The following SYTL3 variants were observed in gnomAD, a reference collection of about 807,000 sequenced individuals.
SYTL3 encodes the protein synaptotagmin like 3, also known as synaptotagmin-like protein 3.
SYTL3 carries 88 observed loss-of-function variants against 82.1 expected under a neutral mutation model. The ratio of observed to expected loss-of-function variants is 1.07; its 90% CI spans 0.90 to 1.28. SYTL3 has a LOEUF of 1.28. Ranked by LOEUF, SYTL3 falls within the 50% of genes most tolerant of loss-of-function variation. The pLI, the probability that SYTL3 is intolerant of heterozygous loss-of-function variation, is 0.00. For missense variants in SYTL3, 831 were observed against 757.6 expected (o/e 1.10, Z -1.14); for synonymous variants, 311 against 289.4 (o/e 1.07, Z -0.76).
rs1789572439 is a variant in SYTL3, at chr6:158,663,218, G to T, written c.-51G>T. 6.4e-7 allele frequency: 1 copy of T among 1,555,520 alleles called. No homozygotes were observed. Among genetic ancestry groups the T allele is most frequent in the Non-Finnish European group, 8.9e-7 (1 of 1,127,542 alleles). Reference sequence around the variant, plus strand: ...GCTCATCTGCAGGGCGTGAGCGCTTGGTCCATGCAGTGAAGCTCTTCCAAC... The same window carrying T: ...GCTCATCTGCAGGGCGTGAGCGCTTTGTCCATGCAGTGAAGCTCTTCCAAC... On this transcript the variant is annotated 5_prime_UTR_variant, in exon 4 of 18. Coordinates refer to ENST00000611299, the MANE Select transcript of SYTL3 (RefSeq NM_001242394.2).
At chr6:158,753,917 C>CCAGGT (rs1462922441) in intron 13 of SYTL3, among the ~76,000 whole-genome samples, 22 of 151,764 alleles carry the variant, frequency 1.4e-4, no homozygotes, top group East Asian at 1.2e-3. Context: ...TCTAATTGAT[C>CCAGGT]CTAAATGCAA....
chr6:158,712,433 T>G (rs1782854057), intron 8 of SYTL3, among the ~76,000 whole-genome samples: 1 of 152,190 alleles, frequency 6.6e-6, no homozygotes, highest in South Asian at 2.1e-4. Context: ...TGTCATTAAT[T>G]AAGTCCACGA....
chr6:158,708,201 G>A, intron 7 of SYTL3, 121 bp from the exon 8 acceptor site: 1 of 900,908 alleles, frequency 1.1e-6, no homozygotes, highest in Non-Finnish European at 1.8e-6. Context: ...AAAAAGTGAG[G>A]CAGTTTAAAA....
chr6:158,704,135 C>A (rs914681062), intron 6 of SYTL3, among the ~76,000 whole-genome samples: 5 of 132,222 alleles, frequency 3.8e-5, no homozygotes, highest in Admixed American at 1.5e-4. Context: ...CCGGGTTTTA[C>A]ATTTTTAAAT....
chr6:158,665,044 C>G (rs1227057013), intron 4 of SYTL3, among the ~76,000 whole-genome samples: 1 of 152,156 alleles, frequency 6.6e-6, no homozygotes, highest in Non-Finnish European at 1.5e-5. Flanking sequence ...GTGTCTTTTC[C>G]TCTCCTTTCA....
At chr6:158,687,646 C>T (rs551675373) in intron 6 of SYTL3, among the ~76,000 whole-genome samples, 13 of 152,288 alleles carry the variant, frequency 8.5e-5, no homozygotes, top group East Asian at 1.9e-4. Context: ...CTCATTCTGC[C>T]GCTACATCTG....
At chr6:158,720,343 G>A (rs1244578104) in intron 10 of SYTL3, among the ~76,000 whole-genome samples, 4 of 146,936 alleles carry the variant, frequency 2.7e-5, no homozygotes, top group South Asian at 2.2e-4. Context: ...GGCAGAGATT[G>A]CAGTAAGCCG....
At chr6:158,742,212 A>G (rs2128507156) in intron 11 of SYTL3, among the ~76,000 whole-genome samples, 1 of 152,414 alleles carries the variant, frequency 6.6e-6, no homozygotes. Flanking sequence ...GCCCATTAAA[A>G]TGATGTATAA....
intron 2 of SYTL3, among the ~76,000 whole-genome samples, chr6:158,653,332 C>T (rs1279326544): frequency 6.6e-6 from 1 of 151,980 alleles, no homozygotes; most frequent in Non-Finnish European, 1.5e-5. Flanking sequence ...CATGAAGAAA[C>T]CCTGTCTCTA....
chr6:158,734,541 C>T (rs1401725801), intron 11 of SYTL3, among the ~76,000 whole-genome samples: 3 of 152,140 alleles, frequency 2.0e-5, no homozygotes, highest in African/African-American at 4.8e-5. Context: ...ACACATCCCA[C>T]CTCCAGGCAT....
Position 158,752,068 on chromosome 6 carries a change from C to T in SYTL3, c.1137+38C>T, listed in dbSNP as rs370507300. The T allele has an allele frequency of 2.2e-4, 321 of 1,489,726 alleles. 1 individual carries two copies. The African/African-American group carries it at 3.9e-3, about 18-fold the overall frequency. 92.3% of individuals were successfully genotyped at this position (1,489,726 alleles called of 1,614,324 possible). On this transcript the variant is annotated intron_variant, in intron 13 of 17. Transcript: ENST00000611299. ...CAGATATTCCTGTGCAGAGTCCTCC[C>T]GAGCCCGGGTGGAGCGCCTGGGGCA...
intron 12 of SYTL3, among the ~76,000 whole-genome samples, chr6:158,751,707 T>C (rs1008645696): frequency 5.9e-5 from 9 of 152,186 alleles, no homozygotes; most frequent in African/African-American, 2.2e-4. Context: ...CAGAGGGTTA[T>C]GTGGCTAGCA....
chr6:158,669,076 G>A (rs1777069957), intron 5 of SYTL3, among the ~76,000 whole-genome samples: 1 of 152,110 alleles, frequency 6.6e-6, no homozygotes, highest in African/African-American at 2.4e-5. Context: ...TTCTTCCCGG[G>A]GAATGTATTG....
chr6:158,678,197 G>A (rs1034305118), intron 5 of SYTL3, among the ~76,000 whole-genome samples: 1 of 152,186 alleles, frequency 6.6e-6, no homozygotes, highest in African/African-American at 2.4e-5. Flanking sequence ...AGTTTTTGTA[G>A]TTCATGTGTC....
chr6:158,747,637 T>C (rs1787845414), intron 12 of SYTL3, among the ~76,000 whole-genome samples: 1 of 152,152 alleles, frequency 6.6e-6, no homozygotes, highest in Admixed American at 6.5e-5. Context: ...TGTAACTTTT[T>C]TTTTCCAGCT....
chr6:158,743,782 T>G (rs1583451682), intron 11 of SYTL3, among the ~76,000 whole-genome samples: 1 of 151,950 alleles, frequency 6.6e-6, no homozygotes, highest in East Asian at 1.9e-4. Context: ...TTACATTGTT[T>G]TCCATTTTAA....
rs142140961 is a variant in SYTL3 at position 158,754,003 on chromosome 6, C to T, written c.1137+1973C>T. On this transcript the variant is annotated intron_variant, in intron 13 of 17. Coordinates refer to ENST00000611299, the MANE Select transcript of SYTL3 (RefSeq NM_001242394.2). ...GCGAAGGATGGGAAGCCGGGGAGGCCGATCCAGCATTAAAAGTCTCGCTAG... is the reference window on the plus strand; with the variant it reads ...GCGAAGGATGGGAAGCCGGGGAGGCTGATCCAGCATTAAAAGTCTCGCTAG... Among the ~76,000 whole-genome samples the T allele has an allele frequency of 3.6e-3, 553 of 152,140 alleles. 3 individuals carry two copies. Among genetic ancestry groups the T allele is most frequent in the African/African-American group, 0.012 (513 of 41,496 alleles).
intron 8 of SYTL3, among the ~76,000 whole-genome samples, 197 bp downstream of exon 8, chr6:158,708,588 C>T (rs541017272): frequency 6.6e-6 from 1 of 152,150 alleles, no homozygotes; most frequent in Non-Finnish European, 1.5e-5. Context: ...ATTCTGGTCG[C>T]GGGACCCTCT....
At chr6:158,746,449 A>ATT (rs1185422018) in intron 12 of SYTL3, among the ~76,000 whole-genome samples, 3,061 of 135,744 alleles carry the variant, frequency 0.023, 43 homozygotes, top group Middle Eastern at 0.037. Context: ...TTATAATAAT[A>ATT]ATAATAATAA....
Sources: allele counts gnomAD v4.1 joint callset (sites outside exome capture counted in the v4.1 genomes callset), GRCh38; gene constraint gnomAD v4.1.1; transcripts MANE v1.5; gene names NCBI Gene and HGNC (gene_info 2026-07-23, HGNC 2026-07-21).